Variants in SLC17A1 observed in about 807,000 individuals in gnomAD.
SLC17A1 encodes sodium-dependent phosphate transport protein 1.
A neutral mutation model predicts 53.5 loss-of-function variants in SLC17A1; 51 were observed. The ratio of observed to expected loss-of-function variants is 0.95; its 90% CI spans 0.76 to 1.20. The LOEUF (loss-of-function observed/expected upper bound fraction) is 1.20. SLC17A1 is among the 50% of genes most tolerant of loss of function. SLC17A1 has a pLI of 0.00. For synonymous variants in SLC17A1, 179 were observed against 198.8 expected (o/e 0.90, Z 0.84); for missense variants, 538 against 568.2 (o/e 0.95, Z 0.54).
At chr6:25,788,293 G>T (rs1286152144) in intron 12 of SLC17A1, among the ~76,000 whole-genome samples, 2 of 152,060 alleles carry the variant, frequency 1.3e-5, no homozygotes, top group African/African-American at 4.8e-5. Flanking sequence ...AGCAAATAAA[G>T]ACAATTACAA....
At chr6:25,812,725 G>T in intron 8 of SLC17A1, 106 bp downstream of exon 8, 1 of 759,562 alleles carries the variant, frequency 1.3e-6, no homozygotes, top group Admixed American at 2.9e-5. Flanking sequence ...GCAGTAGCCA[G>T]ATAGTGTGAG....
intron 3 of SLC17A1, among the ~76,000 whole-genome samples, chr6:25,824,507 T>G (rs773144959): frequency 4.3e-4 from 66 of 152,014 alleles, no homozygotes; most frequent in Non-Finnish European, 7.4e-4. Context: ...TTTGAGTATT[T>G]ATAACATATA....
intron 11 of SLC17A1, among the ~76,000 whole-genome samples, chr6:25,799,643 G>A (rs1471435556): frequency 6.6e-6 from 1 of 152,138 alleles, no homozygotes; most frequent in Non-Finnish European, 1.5e-5. Flanking sequence ...TCCTTTTAAA[G>A]CTGAGGCAGG....
At chr6:25,766,832 A>G in the SLC17A1 span, among the ~76,000 whole-genome samples, 3 of 152,228 alleles carry the variant, frequency 2.0e-5, no homozygotes, top group African/African-American at 7.2e-5. Flanking sequence ...AAACAAGGTA[A>G]GTCTGAGAAA....
At chr6:25,786,918 G>A (rs549771470) in intron 12 of SLC17A1, among the ~76,000 whole-genome samples, 3 of 152,144 alleles carry the variant, frequency 2.0e-5, no homozygotes, top group Admixed American at 2.0e-4. Flanking sequence ...TCTTGTATGT[G>A]TATGACATTT....
chr6:25,745,174 A>C, the SLC17A1 span, among the ~76,000 whole-genome samples: 7 of 152,214 alleles, frequency 4.6e-5, no homozygotes, highest in Non-Finnish European at 8.8e-5. Flanking sequence ...TAGAATTTTT[A>C]CAAGAAATAG....
chr6:25,821,153 T>C (rs1764545976), intron 3 of SLC17A1, among the ~76,000 whole-genome samples: 1 of 152,220 alleles, frequency 6.6e-6, no homozygotes, highest in Non-Finnish European at 1.5e-5. Flanking sequence ...ACAGTGAATG[T>C]GCTGGATGTT....
intron 11 of SLC17A1, among the ~76,000 whole-genome samples, chr6:25,799,795 A>G (rs1480766846): frequency 6.6e-6 from 1 of 152,222 alleles, no homozygotes; most frequent in Non-Finnish European, 1.5e-5. Flanking sequence ...TGCACACCTG[A>G]GTGAACTCAA....
At chr6:25,769,223 G>A in the SLC17A1 span, 1 of 1,559,400 alleles carries the variant, frequency 6.4e-7, no homozygotes, top group Non-Finnish European at 8.8e-7. Flanking sequence ...CTCTTTCTTT[G>A]ACTCAAATAA....
intron 12 of SLC17A1, among the ~76,000 whole-genome samples, chr6:25,797,831 C>A (rs370159038): frequency 6.6e-6 from 1 of 152,080 alleles, no homozygotes; most frequent in Non-Finnish European, 1.5e-5. Context: ...AACTCCTGAC[C>A]TCATGATCCA....
chr6:25,740,392 T>TA, the SLC17A1 span, among the ~76,000 whole-genome samples: 5 of 151,990 alleles, frequency 3.3e-5, no homozygotes, highest in Non-Finnish European at 7.4e-5. Flanking sequence ...CATTTTTTTT[T>TA]AAATTGGGTT....
chr6:25,804,197 G>A (rs1338945043), intron 10 of SLC17A1, among the ~76,000 whole-genome samples: 2 of 152,118 alleles, frequency 1.3e-5, no homozygotes, highest in African/African-American at 4.8e-5. Flanking sequence ...AGAATTCTCA[G>A]CAGAAACCTT....
chr6:25,800,705 T>C (rs1436643258), intron 11 of SLC17A1, among the ~76,000 whole-genome samples, 185 bp downstream of exon 11: 2 of 152,190 alleles, frequency 1.3e-5, no homozygotes, highest in Admixed American at 1.3e-4. Context: ...TGACAAATAA[T>C]GAGATAGAAA....
At chr6:25,744,998 A>AT in the SLC17A1 span, among the ~76,000 whole-genome samples, 29 of 81,522 alleles carry the variant, frequency 3.6e-4, no homozygotes, top group African/African-American at 6.2e-4. Context: ...ATTTTCCTTC[A>AT]TTTTTTTTTT....
Position 25,812,976 on chromosome 6 carries a change from T to C in SLC17A1, c.752A>G (p.Gln251Arg). 1 of 1,613,992 alleles carries C rather than the reference T, an allele frequency of 6.2e-7. No individual in the cohort carries two copies. The highest frequency in any genetic ancestry group is 8.5e-7 in the Non-Finnish European group (1 of 1,179,940). Residue 251 changes from glutamine to arginine, a missense_variant, in exon 8 of 13, where the codon CAA becomes CGA. Physicochemically the swap from Gln to Arg is conservative, Grantham distance 43. Transcript: ENST00000244527. ...SLVQQVSSSR[Q>R]SLPIKAILKS... ...AAGTATAGCCTTGATAGGCAGAGAT[T>C]GTCTACTTGAACTGACCTGGAGAGA...
At position 25,800,960 on chromosome 6, in the gene SLC17A1, G is replaced by T. The variant is rs1763740492; in HGVS notation, c.1199C>A (p.Ala400Glu). The change falls in exon 11 of 13, where the codon GCA (alanine) becomes GAA (glutamate). Residue 400 changes from alanine (A) to glutamate (E), a missense_variant. By Grantham distance (107) the Ala-to-Glu change is moderately radical. Transcript: ENST00000244527. ...IAPRYFGFIK[A>E]CSTLTGMIGG... ...TATCATTCCAGTTAAAGTTGAACAT[G>T]CTTTAATAAATCCAAAATATCTATG... 1 of 1,598,446 alleles carries T rather than the reference G, an allele frequency of 6.3e-7. No individual in the cohort carries two copies. Among genetic ancestry groups the T allele is most frequent in the Admixed American group, 1.7e-5 (1 of 59,960 alleles).
At chr6:25,756,331 CCTT>C in the SLC17A1 span, among the ~76,000 whole-genome samples, 3 of 152,192 alleles carry the variant, frequency 2.0e-5, no homozygotes, top group East Asian at 1.9e-4. Context: ...AGCGCTGTCT[CCTT>C]CTCAGTGTTC....
the SLC17A1 span, among the ~76,000 whole-genome samples, chr6:25,733,882 C>A: frequency 1.3e-5 from 2 of 150,994 alleles, no homozygotes; most frequent in African/African-American, 4.9e-5. Context: ...TGCAGTGGTA[C>A]AATCTCATTG....
chr6:25,794,521 G>A (rs1026898297), intron 12 of SLC17A1, among the ~76,000 whole-genome samples: 1 of 152,064 alleles, frequency 6.6e-6, no homozygotes, highest in African/African-American at 2.4e-5. Flanking sequence ...TTGTCCCTAG[G>A]ATCCACTGAA....
Sources: gnomAD v4.1 joint callset for allele counts (sites outside exome capture counted in the v4.1 genomes callset) on GRCh38, gnomAD v4.1.1 for gene constraint, MANE v1.5 for transcripts, NCBI Gene and HGNC (gene_info 2026-07-23, HGNC 2026-07-21) for gene names.